LYPD6: variants seen among roughly 807,000 people sequenced by gnomAD.
LYPD6 encodes ly6/PLAUR domain-containing protein 6.
A neutral mutation model predicts 22.7 loss-of-function variants in LYPD6; 15 were observed. The ratio of observed to expected loss-of-function variants is 0.66; its 90% CI spans 0.44 to 1.02. The LOEUF (loss-of-function observed/expected upper bound fraction) is 1.02, where lower values mean the gene tolerates loss of function less well. LYPD6 is among the 50% of genes least tolerant of loss of function. The probability of loss-of-function intolerance (pLI) is 0.00; values close to 1 mark genes in which losing one functional copy is unlikely to be tolerated. For synonymous variants in LYPD6, 72 were observed against 77.5 expected, an observed-to-expected ratio of 0.93 and a Z score of 0.37; for missense variants, 189 against 208.4, an observed-to-expected ratio of 0.91 and a Z score of 0.57.
chr2:149,442,466 G>A (rs1683589431), intron 2 of LYPD6, among the ~76,000 whole-genome samples: 1 of 152,014 alleles, frequency 6.6e-6, no homozygotes, highest in South Asian at 2.1e-4. Context: ...TCTCTTAAGG[G>A]ACCAAGGACT....
At chr2:149,337,874 G>A (rs567152790) in intron 1 of LYPD6, among the ~76,000 whole-genome samples, 1 of 152,268 alleles carries the variant, frequency 6.6e-6, no homozygotes, top group East Asian at 1.9e-4. Context: ...ACTTATAAGA[G>A]CATGTGGTAT....
chr2:149,439,056 C>A (rs2105151734), intron 2 of LYPD6, among the ~76,000 whole-genome samples: 1 of 152,208 alleles, frequency 6.6e-6, no homozygotes, highest in Non-Finnish European at 1.5e-5. Flanking sequence ...TTTTATGGAG[C>A]AGAAATAATA....
chr2:149,434,144 A>G (rs1483908274), intron 1 of LYPD6, among the ~76,000 whole-genome samples: 1 of 152,094 alleles, frequency 6.6e-6, no homozygotes, highest in Non-Finnish European at 1.5e-5. Flanking sequence ...TTTGCAAACC[A>G]ATTAGACGAT....
At chr2:149,383,714 T>A (rs1682119190) in intron 1 of LYPD6, among the ~76,000 whole-genome samples, 1 of 152,214 alleles carries the variant, frequency 6.6e-6, no homozygotes, top group African/African-American at 2.4e-5. Flanking sequence ...TTTATAACTT[T>A]TCAATTTAAA....
intron 1 of LYPD6, among the ~76,000 whole-genome samples, chr2:149,350,963 T>C (rs1159494553): frequency 6.6e-6 from 1 of 152,226 alleles, no homozygotes; most frequent in Non-Finnish European, 1.5e-5. Context: ...AACTGGACGG[T>C]ATACAGGACT....
chr2:149,426,503 C>T (rs1683191179), intron 1 of LYPD6, among the ~76,000 whole-genome samples: 1 of 152,080 alleles, frequency 6.6e-6, no homozygotes, highest in African/African-American at 2.4e-5. Flanking sequence ...ATGGTTTAGG[C>T]TTTGTGGTAA....
At chr2:149,357,730 G>C (rs771688775) in intron 1 of LYPD6, among the ~76,000 whole-genome samples, 4 of 150,532 alleles carry the variant, frequency 2.7e-5, no homozygotes, top group Non-Finnish European at 4.4e-5. Flanking sequence ...TTGTGTGCCT[G>C]GTTCATTCTG....
rs552023985 is a variant in LYPD6, at chr2:149,421,440, T to A, written c.-71-16198T>A. On this transcript the variant is annotated intron_variant, in intron 1 of 4. Coordinates refer to ENST00000334166, the MANE Select transcript of LYPD6 (RefSeq NM_194317.5). ...TGTTTTTATTTCTTGATGTCCCAGT[T>A]TCTGTATCTGTAAAATGGAGTAATA... Among the ~76,000 whole-genome samples the A allele has an allele frequency of 4.6e-5, 7 of 151,952 alleles. No homozygotes were observed. The South Asian group carries it at 8.4e-4, about 18-fold the overall frequency.
chr2:149,405,729 T>A (rs1464377765), intron 1 of LYPD6, among the ~76,000 whole-genome samples: 1 of 151,940 alleles, frequency 6.6e-6, no homozygotes, highest in Non-Finnish European at 1.5e-5. Context: ...GTGTCTCTAT[T>A]TCCTTCAGTT....
chr2:149,351,166 G>A (rs1415183125), intron 1 of LYPD6, among the ~76,000 whole-genome samples: 1 of 152,108 alleles, frequency 6.6e-6, no homozygotes, highest in Non-Finnish European at 1.5e-5. Context: ...AGACCGTACA[G>A]GTGGATCACT....
At chr2:149,436,570 A>G (rs920229770) in intron 1 of LYPD6, among the ~76,000 whole-genome samples, 2 of 152,050 alleles carry the variant, frequency 1.3e-5, no homozygotes, top group African/African-American at 2.4e-5. Flanking sequence ...CGATAACACA[A>G]TCTTATCAGT....
chr2:149,350,825 T>G (rs1681344940), intron 1 of LYPD6, among the ~76,000 whole-genome samples: 2 of 152,244 alleles, frequency 1.3e-5, no homozygotes, highest in Non-Finnish European at 2.9e-5. Context: ...ACAATTCATC[T>G]TGGGCTTTCT....
intron 1 of LYPD6, among the ~76,000 whole-genome samples, chr2:149,354,588 C>G (rs1315283926): frequency 6.6e-6 from 1 of 152,146 alleles, no homozygotes; most frequent in African/African-American, 2.4e-5. Flanking sequence ...TTAGACCAAG[C>G]TACAGCAGCT....
downstream of LYPD6, among the ~76,000 whole-genome samples, chr2:149,476,649 T>A (rs572229267): frequency 2.6e-5 from 4 of 152,330 alleles, 1 homozygote; most frequent in South Asian, 8.3e-4. Context: ...AGAGAAGGGC[T>A]AAAAATAAGC....
downstream of LYPD6, among the ~76,000 whole-genome samples, chr2:149,477,484 G>A (rs551363912): frequency 5.7e-4 from 86 of 152,076 alleles, 2 homozygotes; most frequent in South Asian, 0.017. Context: ...TTAGCCAGAC[G>A]TGGTGGCACA....
intron 1 of LYPD6, among the ~76,000 whole-genome samples, chr2:149,355,538 G>A (rs2105062894): frequency 6.6e-6 from 1 of 152,248 alleles, no homozygotes; most frequent in Middle Eastern, 3.4e-3. Context: ...AATCAGAGAG[G>A]AGATGTTGGC....
intron 1 of LYPD6, among the ~76,000 whole-genome samples, chr2:149,333,790 A>G (rs906323805): frequency 1.3e-5 from 2 of 152,210 alleles, no homozygotes; most frequent in Non-Finnish European, 2.9e-5. Flanking sequence ...GGTATCATAC[A>G]TTCTTTCAGG....
chr2:149,351,510 C>G (rs1681358934), intron 1 of LYPD6, among the ~76,000 whole-genome samples: 3 of 151,608 alleles, frequency 2.0e-5, no homozygotes. Flanking sequence ...ACTGATCTTG[C>G]TGGTGTCTTG....
At chr2:149,339,057 C>T (rs368077334) in intron 1 of LYPD6, among the ~76,000 whole-genome samples, 42 of 152,192 alleles carry the variant, frequency 2.8e-4, no homozygotes, top group South Asian at 1.0e-3. Context: ...TATTTTCTGA[C>T]GACAGAATGT....
Sources: gnomAD v4.1 joint callset for allele counts (sites outside exome capture counted in the v4.1 genomes callset) on GRCh38, gnomAD v4.1.1 for gene constraint, MANE v1.5 for transcripts, NCBI Gene and HGNC (gene_info 2026-07-23, HGNC 2026-07-21) for gene names.